The following DLGAP3 variants were observed in gnomAD, a reference collection of about 807,000 sequenced individuals.
The protein encoded by DLGAP3 is DLG associated protein 3.
A neutral mutation model predicts 81.2 loss-of-function variants in DLGAP3; 17 were observed. That is an observed-to-expected ratio of 0.21 (90% CI 0.14 to 0.31). The LOEUF is 0.31. Ranked by LOEUF, DLGAP3 falls within the 10% of genes least tolerant of loss-of-function variation. The pLI is 1.00. For synonymous variants in DLGAP3, 577 were observed against 587.4 expected, an observed-to-expected ratio of 0.98 and a Z score of 0.26; for missense variants, 1,124 against 1,388.0, an observed-to-expected ratio of 0.81 and a Z score of 3.02.
At chr1:34,871,236 C>T (rs1216780745) in intron 8 of DLGAP3, among the ~76,000 whole-genome samples, 1 of 152,134 alleles carries the variant, frequency 6.6e-6, no homozygotes, top group Non-Finnish European at 1.5e-5. Flanking sequence ...TGGACACAGT[C>T]CTCCTCTTCA....
chr1:34,905,256 G>T lies in DLGAP3; in HGVS notation c.128C>A (p.Thr43Asn). Residue 43 changes from threonine to asparagine, a missense_variant, in exon 3 of 12, where the codon ACC becomes AAC. Physicochemically the swap from Thr to Asn is moderately conservative, Grantham distance 65. Transcript: ENST00000373347. ...TCTCGGGGCACAGAAGCGGGGCTCG[G>T]TGGAGAAGGCCTCCCTGGAGCCCAG... is the stretch of plus-strand genomic sequence containing the variant. ...YLLGSREAFS[T>N]EPRFCAPRAG... The T allele has an allele frequency of 6.3e-7, 1 of 1,591,726 alleles. No homozygotes were observed. Among genetic ancestry groups the T allele is most frequent in the Non-Finnish European group, 8.6e-7 (1 of 1,169,544 alleles).
rs937816972 is a variant in DLGAP3 at position 34,866,292 on chromosome 1, T to C, written c.2731A>G (p.Lys911Glu). 4 of 1,525,878 alleles carry C rather than the reference T, an allele frequency of 2.6e-6. No individual in the cohort carries two copies. The highest frequency in any genetic ancestry group is 3.5e-6 in the Non-Finnish European group (4 of 1,136,008). The allele number at this position is 1,525,878 out of a possible 1,614,324, so 94.5% of individuals were successfully genotyped here. A position where few individuals can be genotyped will look rare whatever the true frequency, so the allele number is the denominator to read the frequency against. ...WKLLEPKEEK[K>E]VPPPIPKKPL... ...TTCTTTGGTATCGGCGGAGGGACCT[T>C]CTTCTCCTCCTGCGGGGCAGAGGGC... The change falls in exon 12 of 12, where the codon AAG becomes GAG. Residue 911 changes from lysine to glutamate, a missense_variant. By Grantham distance (56) the Lys-to-Glu change is moderately conservative. Around this residue, in one of 9 missense-constraint regions of DLGAP3, gnomAD observed 133 missense variants for 171.1 expected, o/e 0.78. Coordinates refer to ENST00000373347, the MANE Select transcript of DLGAP3 (RefSeq NM_001080418.3).
chr1:34,874,990 G>A (rs1465153052), intron 8 of DLGAP3, among the ~76,000 whole-genome samples: 1 of 152,120 alleles, frequency 6.6e-6, no homozygotes, highest in Non-Finnish European at 1.5e-5. Flanking sequence ...GCTGTGACAG[G>A]GATGCCAAGG....
chr1:34,871,299 T>C (rs1638976494), intron 8 of DLGAP3, among the ~76,000 whole-genome samples: 1 of 152,224 alleles, frequency 6.6e-6, no homozygotes, highest in Non-Finnish European at 1.5e-5. Context: ...TAAGCGATCC[T>C]GACTCCAAGC....
intron 8 of DLGAP3, among the ~76,000 whole-genome samples, chr1:34,871,839 C>T (rs1638985154): frequency 6.6e-6 from 1 of 152,162 alleles, no homozygotes; most frequent in African/African-American, 2.4e-5. Context: ...GTGCCCCAGG[C>T]TGCATGCTTC....
intron 8 of DLGAP3, among the ~76,000 whole-genome samples, chr1:34,874,773 A>C (rs1265060378): frequency 6.8e-6 from 1 of 147,594 alleles, no homozygotes; most frequent in Admixed American, 6.7e-5. Context: ...CTCTATATCC[A>C]GAAGTTGTCA....
At chr1:34,881,354 T>A in intron 8 of DLGAP3, among the ~76,000 whole-genome samples, 1 of 152,164 alleles carries the variant, frequency 6.6e-6, no homozygotes. Context: ...CCCCACAGCC[T>A]CCCTTGCAGC....
At chr1:34,897,222 C>A (rs762828914) in intron 5 of DLGAP3, among the ~76,000 whole-genome samples, 3 of 152,032 alleles carry the variant, frequency 2.0e-5, no homozygotes, top group Non-Finnish European at 4.4e-5. Flanking sequence ...AGAAGCCATA[C>A]CTCCAGGCTA....
intron 11 of DLGAP3, among the ~76,000 whole-genome samples, chr1:34,866,777 C>T (rs1638887551): frequency 7.8e-6 from 1 of 127,560 alleles, no homozygotes; most frequent in Non-Finnish European, 1.7e-5. Flanking sequence ...CAGCTGCAGC[C>T]GCCGCCACCC....
At chr1:34,911,032 C>CT (rs58538432) in intron 1 of DLGAP3, among the ~76,000 whole-genome samples, 1 of 145,174 alleles carries the variant, frequency 6.9e-6, no homozygotes, top group East Asian at 2.1e-4. Flanking sequence ...ACCCCCCCCC[C>CT]ACCACCTTCC....
intron 1 of DLGAP3, among the ~76,000 whole-genome samples, chr1:34,911,030 C>T (rs967679058): frequency 1.3e-5 from 2 of 150,756 alleles, no homozygotes; most frequent in Admixed American, 6.6e-5. Context: ...CCACCCCCCC[C>T]CCACCACCTT....
intron 1 of DLGAP3, among the ~76,000 whole-genome samples, chr1:34,910,232 C>G (rs1222880442): frequency 6.6e-6 from 1 of 152,198 alleles, no homozygotes; most frequent in Non-Finnish European, 1.5e-5. Flanking sequence ...TTATTTAAAC[C>G]ACTGTTGGCC....
chr1:34,923,353 G>A (rs894285960), intron 1 of DLGAP3, among the ~76,000 whole-genome samples: 1 of 152,190 alleles, frequency 6.6e-6, no homozygotes, highest in African/African-American at 2.4e-5. Flanking sequence ...ACAAGGGAGA[G>A]GGTAGACCAG....
intron 1 of DLGAP3, among the ~76,000 whole-genome samples, chr1:34,922,452 G>A (rs191923602): frequency 5.3e-5 from 8 of 152,182 alleles, no homozygotes; most frequent in South Asian, 2.1e-4. Context: ...GATACGGTAC[G>A]TATATGCATG....
At chr1:34,924,845 T>C (rs760264068) in intron 1 of DLGAP3, among the ~76,000 whole-genome samples, 6 of 152,138 alleles carry the variant, frequency 3.9e-5, no homozygotes, top group East Asian at 3.9e-4. Context: ...ACCTAAACCA[T>C]AGGGAGAACT....
chr1:34,871,650 A>C (rs1212908995), intron 8 of DLGAP3, among the ~76,000 whole-genome samples: 1 of 152,222 alleles, frequency 6.6e-6, no homozygotes. Context: ...GGTTGCTCCA[A>C]TAAATACGTG....
At chr1:34,912,144 T>A (rs901262568) in intron 1 of DLGAP3, among the ~76,000 whole-genome samples, 2 of 152,226 alleles carry the variant, frequency 1.3e-5, no homozygotes, top group African/African-American at 4.8e-5. Context: ...AGGTAAAGCA[T>A]ATAAATCCCT....
chr1:34,882,848 C>T (rs1388367405), intron 8 of DLGAP3, among the ~76,000 whole-genome samples: 1 of 152,174 alleles, frequency 6.6e-6, no homozygotes, highest in African/African-American at 2.4e-5. Context: ...TAACTCCCTT[C>T]CCACTCCCCT....
In DLGAP3 at chr1:34,900,252, C is replaced by G. The variant is rs754338328; in HGVS notation, c.1129G>C (p.Gly377Arg). The change falls in exon 4 of 12, where the codon GGT (glycine) becomes CGT (arginine). Residue 377 changes from glycine (G) to arginine (R), a missense_variant. By Grantham distance (125) the Gly-to-Arg change is moderately radical. This residue lies in a region of DLGAP3 where 357 missense variants were observed against 408.8 expected (regional missense o/e 0.87). Transcript: ENST00000373347. The surrounding 1 kb of genome is among the most constrained non-coding windows in gnomAD (Gnocchi z 5.6). ...CCATCCTTGCCACCGGTGGGGTAAC[C>G]CCCCCAGTCATCTTGCGGCACCTGC... is the stretch of plus-strand genomic sequence containing the variant. ...YLQVPQDDWG[G>R]YPTGGKDGEI... 2 of 1,614,020 alleles carry G rather than the reference C, an allele frequency of 1.2e-6. No homozygotes were observed. Among genetic ancestry groups the G allele is most frequent in the Admixed American group, 1.7e-5 (1 of 60,036 alleles).
Sources: gnomAD v4.1 joint callset for allele counts (sites outside exome capture counted in the v4.1 genomes callset) on GRCh38, gnomAD v4.1.1 for gene constraint, gnomAD v4.1.1 regional missense constraint, Gnocchi (gnomAD v3.1) non-coding constraint, MANE v1.5 for transcripts, NCBI Gene and HGNC (gene_info 2026-07-23, HGNC 2026-07-21) for gene names.